LRMDA: variants seen among roughly 807,000 people sequenced by gnomAD.
LRMDA encodes the protein leucine rich melanocyte differentiation associated, also known as leucine-rich melanocyte differentiation-associated protein.
Under a neutral mutation model 29.8 loss-of-function variants are expected in LRMDA, and 18 were observed. The observed-to-expected ratio is 0.60, with a 90% CI of 0.42 to 0.90. LRMDA has a LOEUF of 0.90. Ranked by LOEUF, LRMDA falls within the 40% of genes least tolerant of loss-of-function variation. LRMDA has a pLI of 0.00. For synonymous variants in LRMDA, 125 were observed against 109.4 expected, an observed-to-expected ratio of 1.14 and a Z score of -0.89; for missense variants, 273 against 273.9, an observed-to-expected ratio of 1.00 and a Z score of 0.02.
At chr10:75,998,371 G>T (rs1247975772) in intron 2 of LRMDA, among the ~76,000 whole-genome samples, 1 of 152,090 alleles carries the variant, frequency 6.6e-6, no homozygotes, top group Admixed American at 6.6e-5. Flanking sequence ...TCGATGGTGT[G>T]GCCTCATCAC....
At chr10:75,665,904 C>T (rs1189297623) in intron 2 of LRMDA, among the ~76,000 whole-genome samples, 2 of 152,076 alleles carry the variant, frequency 1.3e-5, no homozygotes, top group Non-Finnish European at 1.5e-5. Context: ...CTGTGGATAC[C>T]AGCTTTATAT....
intron 6 of LRMDA, among the ~76,000 whole-genome samples, chr10:76,446,993 C>A (rs925555840): frequency 1.4e-4 from 22 of 151,778 alleles, no homozygotes; most frequent in African/African-American, 3.4e-4. Flanking sequence ...CCTGCTGTGG[C>A]CTAAATTCTG....
At chr10:75,722,235 A>G (rs1293050073) in intron 2 of LRMDA, among the ~76,000 whole-genome samples, 1 of 152,126 alleles carries the variant, frequency 6.6e-6, no homozygotes, top group East Asian at 1.9e-4. Context: ...CTACAAGACC[A>G]TAAATCATTC....
intron 2 of LRMDA, among the ~76,000 whole-genome samples, chr10:75,454,821 A>T (rs923442859): frequency 1.3e-5 from 2 of 152,214 alleles, no homozygotes; most frequent in African/African-American, 4.8e-5. Flanking sequence ...GAAAAAAATC[A>T]GCCTTACCTG....
chr10:76,021,076 A>G (rs1046731505), intron 2 of LRMDA, among the ~76,000 whole-genome samples: 1 of 152,250 alleles, frequency 6.6e-6, no homozygotes, highest in African/African-American at 2.4e-5. Context: ...CCATGGTCAC[A>G]GAGCTTAATT....
intron 2 of LRMDA, among the ~76,000 whole-genome samples, chr10:75,701,586 G>A (rs1842308849): frequency 3.9e-5 from 6 of 152,134 alleles, no homozygotes; most frequent in South Asian, 2.1e-4. Context: ...CCAGTGGGTC[G>A]GTGGGTGCTG....
rs183030257 is a variant in LRMDA, at chr10:76,356,287, A to G, written c.601+31802A>G. 9.4e-4 allele frequency among the ~76,000 whole-genome samples: 143 copies of G among 152,336 alleles called. 3 individuals carry two copies. The highest frequency in any genetic ancestry group is 3.4e-3 in the African/African-American group (141 of 41,572). ...ACCATAGAACGCTAGTAAATGCTAG[A>G]AAGAATCTAAGATATCAGGCATGGA... On this transcript the variant is annotated intron_variant, in intron 6 of 6. Coordinates refer to ENST00000611255, the MANE Select transcript of LRMDA (RefSeq NM_001305581.2).
At chr10:75,873,202 G>C (rs1845141972) in intron 2 of LRMDA, among the ~76,000 whole-genome samples, 1 of 152,080 alleles carries the variant, frequency 6.6e-6, no homozygotes, top group Admixed American at 6.6e-5. Context: ...TTCTAAGAAT[G>C]CCATTTCAAT....
intron 2 of LRMDA, among the ~76,000 whole-genome samples, chr10:75,597,826 G>A (rs1436105486): frequency 6.6e-6 from 1 of 152,174 alleles, no homozygotes; most frequent in Non-Finnish European, 1.5e-5. Flanking sequence ...CTGGGCCTGG[G>A]CGCTTTTATG....
chr10:75,981,088 G>T (rs1847161603), intron 2 of LRMDA, among the ~76,000 whole-genome samples: 1 of 152,200 alleles, frequency 6.6e-6, no homozygotes. Context: ...TATACACATT[G>T]TCTGCTTATT....
chr10:76,159,928 A>G (rs1182303221), intron 5 of LRMDA, among the ~76,000 whole-genome samples: 1 of 152,034 alleles, frequency 6.6e-6, no homozygotes, highest in Middle Eastern at 3.2e-3. Context: ...CAGTAAAAAT[A>G]CTCTGTATGA....
chr10:76,449,075 A>G (rs77964674), intron 6 of LRMDA, among the ~76,000 whole-genome samples: 6,093 of 151,986 alleles, frequency 0.04, 187 homozygotes, highest in South Asian at 0.1. Context: ...AACTTTATCA[A>G]ATATACTAAA....
At chr10:75,994,386 G>A (rs1847423671) in intron 2 of LRMDA, among the ~76,000 whole-genome samples, 2 of 152,300 alleles carry the variant, frequency 1.3e-5, no homozygotes, top group South Asian at 4.1e-4. Flanking sequence ...CTGCACCCTA[G>A]GATTGTACAG....
intron 5 of LRMDA, among the ~76,000 whole-genome samples, chr10:76,230,831 G>A (rs1393767140): frequency 1.3e-5 from 2 of 152,210 alleles, no homozygotes; most frequent in African/African-American, 4.8e-5. Context: ...TTACATTTTA[G>A]TTCATGGATT....
At chr10:76,430,614 T>G (rs1480513514) in intron 6 of LRMDA, among the ~76,000 whole-genome samples, 2 of 152,198 alleles carry the variant, frequency 1.3e-5, no homozygotes, top group African/African-American at 4.8e-5. Context: ...TACTGTTTCC[T>G]CCTAGGGAAC....
At chr10:75,532,680 A>G (rs767398073) in intron 2 of LRMDA, among the ~76,000 whole-genome samples, 6 of 152,144 alleles carry the variant, frequency 3.9e-5, no homozygotes, top group Non-Finnish European at 8.8e-5. Context: ...TGGTTGAGAC[A>G]CACTGAGTTC....
chr10:76,218,126 G>C (rs77677390), intron 5 of LRMDA, among the ~76,000 whole-genome samples: 2 of 152,226 alleles, frequency 1.3e-5, no homozygotes, highest in African/African-American at 2.4e-5. Context: ...AGCATGGAAC[G>C]TGTGTATTTG....
At chr10:75,728,503 C>T (rs1842657657) in intron 2 of LRMDA, among the ~76,000 whole-genome samples, 1 of 149,752 alleles carries the variant, frequency 6.7e-6, no homozygotes, top group East Asian at 2.0e-4. Flanking sequence ...GTGGTAGACA[C>T]TGGAAAACGT....
chr10:76,211,183 C>A (rs1055009522), intron 5 of LRMDA, among the ~76,000 whole-genome samples: 1 of 152,208 alleles, frequency 6.6e-6, no homozygotes, highest in Non-Finnish European at 1.5e-5. Flanking sequence ...TCTCTGTCTG[C>A]ACCTATCAAC....
Sources: allele counts gnomAD v4.1 joint callset (sites outside exome capture counted in the v4.1 genomes callset), GRCh38; gene constraint gnomAD v4.1.1; transcripts MANE v1.5; gene names NCBI Gene and HGNC (gene_info 2026-07-23, HGNC 2026-07-21).